Variants in CRACD observed in about 807,000 individuals in gnomAD.
CRACD encodes capping protein inhibiting regulator of actin dynamics.
In CRACD, 56 loss-of-function variants were observed where a neutral mutation model predicts 106.8. That is an observed-to-expected ratio of 0.52 (90% CI 0.42 to 0.66). The LOEUF (loss-of-function observed/expected upper bound fraction) is 0.66, where lower values mean the gene tolerates loss of function less well. Among genes scored for constraint, CRACD ranks in the 30% least tolerant of loss-of-function variants. The pLI is 0.00. For synonymous variants in CRACD, 754 were observed against 670.8 expected (o/e 1.12, Z -1.92); for missense variants, 1,730 against 1,623.2 (o/e 1.07, Z -1.13).
At chr4:56,313,717 C>A (rs983986321) in intron 7 of CRACD, among the ~76,000 whole-genome samples, 1 of 152,080 alleles carries the variant, frequency 6.6e-6, no homozygotes, top group Non-Finnish European at 1.5e-5. Context: ...TTAATGAAGT[C>A]CAAGTCTCTT....
intron 3 of CRACD, among the ~76,000 whole-genome samples, chr4:56,281,349 G>A (rs2015194): frequency 6.6e-6 from 1 of 151,800 alleles, no homozygotes; most frequent in African/African-American, 2.4e-5. Flanking sequence ...CATCTTCCCA[G>A]CCCCGTCCAT....
intron 2 of CRACD, among the ~76,000 whole-genome samples, chr4:56,243,624 C>CT (rs899649701): frequency 1.6e-4 from 24 of 151,848 alleles, no homozygotes; most frequent in African/African-American, 5.8e-4. Flanking sequence ...AAATGGCTTT[C>CT]TTTTTTTATT....
At chr4:56,157,529 T>C (rs559556838) in intron 1 of CRACD, among the ~76,000 whole-genome samples, 1 of 152,312 alleles carries the variant, frequency 6.6e-6, no homozygotes, top group South Asian at 2.1e-4. Context: ...ATTTTTTGAA[T>C]TTCTTGTCAG....
At chr4:56,069,500 G>A (rs1036328665) in intron 1 of CRACD, among the ~76,000 whole-genome samples, 3 of 152,182 alleles carry the variant, frequency 2.0e-5, no homozygotes, top group Non-Finnish European at 4.4e-5. Context: ...AGGAAGACCA[G>A]CTCATGAGCT....
intron 2 of CRACD, among the ~76,000 whole-genome samples, chr4:56,189,669 A>G (rs1379484496): frequency 6.7e-6 from 1 of 149,084 alleles, no homozygotes; most frequent in Non-Finnish European, 1.5e-5. Context: ...TGTCCTTGCA[A>G]TAGTTTACTG....
chr4:56,204,071 G>A (rs1738008894), intron 2 of CRACD, among the ~76,000 whole-genome samples: 1 of 152,224 alleles, frequency 6.6e-6, no homozygotes, highest in African/African-American at 2.4e-5. Context: ...CATGTAGCTG[G>A]CACTTGGTGA....
chr4:56,214,392 A>G (rs149101188), intron 2 of CRACD, among the ~76,000 whole-genome samples: 7,661 of 151,976 alleles, frequency 0.05, 226 homozygotes, highest in Non-Finnish European at 0.06. Flanking sequence ...CAGGAGATCA[A>G]GACCATCCTG....
chr4:56,175,516 A>G (rs143539624), intron 1 of CRACD, among the ~76,000 whole-genome samples: 1,758 of 152,092 alleles, frequency 0.012, 16 homozygotes, highest in South Asian at 0.016. Context: ...AATTTTTTAA[A>G]TTTTTGTGGG....
chr4:56,148,078 G>A (rs778450823), intron 1 of CRACD, among the ~76,000 whole-genome samples: 59 of 152,032 alleles, frequency 3.9e-4, no homozygotes, highest in Non-Finnish European at 7.1e-4. Context: ...CAAGGAGGGA[G>A]GCCTCAGGAA....
chr4:56,200,509 G>A (rs895119085), intron 2 of CRACD, among the ~76,000 whole-genome samples: 14 of 152,202 alleles, frequency 9.2e-5, no homozygotes, highest in African/African-American at 3.4e-4. Flanking sequence ...TTTAATATGC[G>A]ACACTCATTT....
At chr4:56,199,262 G>A (rs1290333182) in intron 2 of CRACD, among the ~76,000 whole-genome samples, 1 of 152,112 alleles carries the variant, frequency 6.6e-6, no homozygotes, top group Non-Finnish European at 1.5e-5. Context: ...GAAATGTTGT[G>A]GCAAATATTG....
intron 1 of CRACD, among the ~76,000 whole-genome samples, chr4:56,054,374 C>T (rs918190953): frequency 2.6e-5 from 4 of 152,204 alleles, no homozygotes; most frequent in Middle Eastern, 3.4e-3. Context: ...TGTGGTCTCT[C>T]TCTGTTTCCT....
In CRACD at chr4:56,300,312, G is replaced by A. The variant is rs140852001; in HGVS notation, c.120+1963G>A. ...GAGACCTTGGAACGACACCCAACTTGCCTAGGTCTTGATGCCTGCTGCCAC... is the reference window on the plus strand; with the variant it reads ...GAGACCTTGGAACGACACCCAACTTACCTAGGTCTTGATGCCTGCTGCCAC... On this transcript the variant is annotated intron_variant, in intron 4 of 10. Coordinates refer to ENST00000682029, the MANE Select transcript of CRACD (RefSeq NM_001393381.1). Among the ~76,000 whole-genome samples, 226 of 152,256 alleles carry A rather than the reference G, an allele frequency of 1.5e-3. 1 individual carries two copies. Among genetic ancestry groups the A allele is most frequent in the African/African-American group, 4.9e-3 (205 of 41,558 alleles).
chr4:56,325,034 G>A (rs950379168), intron 10 of CRACD, among the ~76,000 whole-genome samples: 14 of 152,058 alleles, frequency 9.2e-5, no homozygotes, highest in Non-Finnish European at 1.9e-4. Flanking sequence ...TAAAAATACA[G>A]AAAAGAAAGA....
At chr4:56,088,839 C>T (rs1733320948) in intron 1 of CRACD, among the ~76,000 whole-genome samples, 2 of 152,174 alleles carry the variant, frequency 1.3e-5, no homozygotes, top group African/African-American at 4.8e-5. Flanking sequence ...AATTCTCCTG[C>T]CTCAGCCTCC....
chr4:56,300,518 A>G (rs536383729), intron 4 of CRACD, among the ~76,000 whole-genome samples: 1 of 152,338 alleles, frequency 6.6e-6, no homozygotes, highest in East Asian at 1.9e-4. Context: ...GTGATGGCCA[A>G]AGAAAACCTT....
intron 2 of CRACD, among the ~76,000 whole-genome samples, chr4:56,185,931 G>C (rs771246150): frequency 6.6e-6 from 1 of 152,198 alleles, no homozygotes; most frequent in Non-Finnish European, 1.5e-5. Flanking sequence ...GATACTAGCC[G>C]TTGAAGATGA....
At chr4:56,303,491 C>G (rs1003035673) in intron 4 of CRACD, among the ~76,000 whole-genome samples, 2 of 152,152 alleles carry the variant, frequency 1.3e-5, no homozygotes, top group African/African-American at 4.8e-5. Context: ...TTCATAGTTC[C>G]TCTCATGACA....
intron 1 of CRACD, among the ~76,000 whole-genome samples, chr4:56,139,704 T>C (rs1735127305): frequency 6.6e-6 from 1 of 152,194 alleles, no homozygotes; most frequent in African/African-American, 2.4e-5. Flanking sequence ...TCTACCATGA[T>C]GGGAGAAGAT....
Sources: allele counts gnomAD v4.1 joint callset (sites outside exome capture counted in the v4.1 genomes callset), GRCh38; gene constraint gnomAD v4.1.1; transcripts MANE v1.5; gene names NCBI Gene and HGNC (gene_info 2026-07-23, HGNC 2026-07-21).